Variants in SYNPO2 observed in about 807,000 individuals in gnomAD.
SYNPO2 encodes synaptopodin 2.
A neutral mutation model predicts 85.0 loss-of-function variants in SYNPO2; 56 were observed. The observed-to-expected ratio is 0.66, with a 90% confidence interval of 0.53 to 0.82. SYNPO2 has a LOEUF of 0.82. SYNPO2 is among the 40% of genes least tolerant of loss of function. The probability of loss-of-function intolerance (pLI) is 0.00; values close to 1 mark genes in which losing one functional copy is unlikely to be tolerated. For missense variants in SYNPO2, 1,575 were observed against 1,534.2 expected (o/e 1.03, Z -0.44); for synonymous variants, 602 against 591.1 (o/e 1.02, Z -0.27).
At chr4:118,878,863 C>G (rs1017735307) in intron 1 of SYNPO2, among the ~76,000 whole-genome samples, 3 of 152,350 alleles carry the variant, frequency 2.0e-5, no homozygotes, top group Non-Finnish European at 4.4e-5. Context: ...GGCACCCACT[C>G]AGGTCCTTTT....
intron 1 of SYNPO2, among the ~76,000 whole-genome samples, chr4:118,949,947 T>C (rs1338989265): frequency 6.6e-6 from 1 of 152,288 alleles, no homozygotes; most frequent in Non-Finnish European, 1.5e-5. Flanking sequence ...AAAGTTACTG[T>C]CTTTATGAAG....
intron 1 of SYNPO2, among the ~76,000 whole-genome samples, chr4:118,906,546 A>G (rs955545182): frequency 6.6e-6 from 1 of 152,170 alleles, no homozygotes; most frequent in African/African-American, 2.4e-5. Flanking sequence ...ATAATGAGAG[A>G]AAGAAAATGC....
At chr4:118,869,180 C>T (rs542603924) in intron 1 of SYNPO2, among the ~76,000 whole-genome samples, 5 of 152,268 alleles carry the variant, frequency 3.3e-5, no homozygotes, top group Admixed American at 1.3e-4. Context: ...CCTCAACCTC[C>T]CAAGTAGCTG....
At chr4:118,982,652 C>T (rs1722322569) in intron 1 of SYNPO2, among the ~76,000 whole-genome samples, 2 of 152,170 alleles carry the variant, frequency 1.3e-5, no homozygotes, top group Non-Finnish European at 2.9e-5. Context: ...GTAGTTTTCA[C>T]AGGATGCTAA....
intron 4 of SYNPO2, chr4:119,037,383 G>GAA: frequency 8.4e-7 from 1 of 1,184,150 alleles, no homozygotes; most frequent in Non-Finnish European, 1.0e-6. Flanking sequence ...GCCCTGAGTT[G>GAA]AAAAAAAAAA....
intron 1 of SYNPO2, among the ~76,000 whole-genome samples, chr4:118,989,095 G>A (rs1436592783): frequency 6.6e-6 from 1 of 152,178 alleles, no homozygotes; most frequent in Non-Finnish European, 1.5e-5. Flanking sequence ...CTGGAACTAG[G>A]GATCTTAACT....
chr4:119,033,560 C>G (rs1322259593), intron 4 of SYNPO2: 37 of 985,410 alleles, frequency 3.8e-5, no homozygotes, highest in East Asian at 1.1e-4. Flanking sequence ...GAAAAATCAT[C>G]TACTCTATGC....
At position 119,043,070 on chromosome 4, in the gene SYNPO2, C is replaced by CTTTTGTTTTTGTTTTGTTTTG. The variant is rs1553949759; in HGVS notation, c.3252+11054_3252+11074dup. The CTTTTGTTTTTGTTTTGTTTTG allele has an allele frequency of 9.9e-5, 15 of 151,936 alleles. No individual in the cohort carries two copies. The Admixed American group carries it at 9.9e-4, about 10-fold the overall frequency. 9.4% of individuals were successfully genotyped at this position (151,936 alleles called of 1,614,324 possible). ...GTTTGTTTGGTTGGTTGTTTTTTTTCTTTTGTTTTTGTTTTGTTTTGTTTT... is the reference window on the plus strand; with the variant it reads ...GTTTGTTTGGTTGGTTGTTTTTTTTCTTTTGTTTTTGTTTTGTTTTGTTTTGTTTTTGTTTTGTTTTGTTTT... On this transcript the variant is annotated intron_variant, in intron 4 of 4. Coordinates refer to ENST00000307142, the MANE Select transcript of SYNPO2 (RefSeq NM_133477.3).
At chr4:118,856,411 T>C (rs920534494) in intron 1 of SYNPO2, among the ~76,000 whole-genome samples, 8 of 152,224 alleles carry the variant, frequency 5.3e-5, no homozygotes, top group African/African-American at 1.9e-4. Flanking sequence ...CAGAGGATAA[T>C]GAAGGCCTCC....
At chr4:118,900,040 G>T (rs1357549159) in intron 1 of SYNPO2, among the ~76,000 whole-genome samples, 1 of 152,168 alleles carries the variant, frequency 6.6e-6, no homozygotes, top group Non-Finnish European at 1.5e-5. Flanking sequence ...GGGATTACAG[G>T]CGTGAGCCAC....
intron 1 of SYNPO2, among the ~76,000 whole-genome samples, chr4:118,974,900 T>C (rs932073648): frequency 1.3e-5 from 2 of 152,188 alleles, no homozygotes; most frequent in African/African-American, 2.4e-5. Context: ...ATGGTTTCCT[T>C]GTTTCTCTAT....
chr4:118,936,536 C>T (rs1734109134), intron 1 of SYNPO2, among the ~76,000 whole-genome samples: 1 of 152,120 alleles, frequency 6.6e-6, no homozygotes, highest in African/African-American at 2.4e-5. Context: ...GTAAACTGAA[C>T]TCTCAGGTCA....
intron 3 of SYNPO2, among the ~76,000 whole-genome samples, chr4:119,028,062 A>G (rs1203048004): frequency 6.6e-6 from 1 of 152,166 alleles, no homozygotes; most frequent in Non-Finnish European, 1.5e-5. Flanking sequence ...GGCCATGTGG[A>G]GGCATTTAAA....
chr4:119,027,468 C>A, intron 3 of SYNPO2, 30 bp downstream of exon 3: 1 of 1,519,504 alleles, frequency 6.6e-7, no homozygotes, highest in Non-Finnish European at 8.8e-7. Flanking sequence ...TCAGAAGGGG[C>A]TTGGGAGTTG....
At chr4:118,923,869 C>T (rs1327130228) in intron 1 of SYNPO2, among the ~76,000 whole-genome samples, 1 of 132,446 alleles carries the variant, frequency 7.6e-6, no homozygotes, top group Non-Finnish European at 1.6e-5. Flanking sequence ...AAAGGACAGA[C>T]ATTTCAATAG....
intron 4 of SYNPO2, among the ~76,000 whole-genome samples, chr4:119,055,163 T>A (rs1308390236): frequency 6.6e-6 from 1 of 151,942 alleles, no homozygotes; most frequent in African/African-American, 2.4e-5. Context: ...ATTTATTTTT[T>A]TTTTTTGAGA....
At chr4:118,888,073 C>A (rs1419448535), upstream of SYNPO2, among the ~76,000 whole-genome samples, 2 of 151,926 alleles carry the variant, frequency 1.3e-5, no homozygotes, top group Non-Finnish European at 2.9e-5. Flanking sequence ...CATGGGATGA[C>A]AAACTATAAA....
At chr4:118,907,838 G>A (rs1373220588) in intron 1 of SYNPO2, among the ~76,000 whole-genome samples, 2 of 152,132 alleles carry the variant, frequency 1.3e-5, no homozygotes, top group Non-Finnish European at 2.9e-5. Context: ...AGACCCCTCT[G>A]TACACACATC....
At chr4:118,926,191 C>T (rs1733704917) in intron 1 of SYNPO2, among the ~76,000 whole-genome samples, 1 of 152,132 alleles carries the variant, frequency 6.6e-6, no homozygotes, top group Admixed American at 6.6e-5. Flanking sequence ...GCTAGAGAGG[C>T]AGGCAGAGGC....
Sources: gnomAD v4.1 joint callset for allele counts (sites outside exome capture counted in the v4.1 genomes callset) on GRCh38, gnomAD v4.1.1 for gene constraint, MANE v1.5 for transcripts, NCBI Gene and HGNC (gene_info 2026-07-23, HGNC 2026-07-21) for gene names.